Variants in CHIT1 observed in about 807,000 individuals in gnomAD.
CHIT1 encodes the protein chitinase 1, also known as chitotriosidase-1.
In CHIT1, 47 loss-of-function variants were observed where a neutral mutation model predicts 52.0. The ratio of observed to expected loss-of-function variants is 0.90; its 90% CI spans 0.71 to 1.15. The LOEUF (loss-of-function observed/expected upper bound fraction) is 1.15, where lower values mean the gene tolerates loss of function less well. CHIT1 is among the 50% of genes most tolerant of loss of function. The pLI, the probability that CHIT1 is intolerant of heterozygous loss-of-function variation, is 0.00. For missense variants in CHIT1, 569 were observed against 583.0 expected, an observed-to-expected ratio of 0.98 and a Z score of 0.25; for synonymous variants, 242 against 228.2, an observed-to-expected ratio of 1.06 and a Z score of -0.54.
intron 1 of CHIT1, 49 bp downstream of exon 1, chr1:203,229,563 C>T (rs1657056700): frequency 1.2e-6 from 2 of 1,608,770 alleles, no homozygotes; most frequent in Non-Finnish European, 1.7e-6. Context: ...CATCCACATC[C>T]CCACCTCCCC....
chr1:203,218,887 C>T (rs998620639), intron 9 of CHIT1, among the ~76,000 whole-genome samples: 1 of 152,218 alleles, frequency 6.6e-6, no homozygotes, highest in African/African-American at 2.4e-5. Context: ...GTAATTTGGA[C>T]ATGCACCAGA....
At chr1:203,229,818 A>T, upstream of CHIT1, 1 of 709,270 alleles carries the variant, frequency 1.4e-6, no homozygotes, top group Non-Finnish European at 2.6e-6. Context: ...GGCAAACTTG[A>T]CACAATGGCC....
intron 2 of CHIT1, 109 bp downstream of exon 2, chr1:203,228,424 T>C (rs1347497655): frequency 8.5e-7 from 1 of 1,173,566 alleles, no homozygotes; most frequent in African/African-American, 1.5e-5. Context: ...TGGAAGAGAG[T>C]CCCCACTGAA....
Position 203,223,483 on chromosome 1 carries a change from G to A in CHIT1, c.480+12C>T, listed in dbSNP as rs201180236. On this transcript the variant is annotated intron_variant, in intron 5 of 10. Coordinates refer to ENST00000367229, the MANE Select transcript of CHIT1 (RefSeq NM_003465.3). ...TGCACAGACTGGTGATCCCCGCCCCGCCCAGCCATACCTGTACCAGGGTTG... is the reference window on the plus strand; with the variant it reads ...TGCACAGACTGGTGATCCCCGCCCCACCCAGCCATACCTGTACCAGGGTTG... 279 of 1,613,684 alleles carry A rather than the reference G, an allele frequency of 1.7e-4. No individual in the cohort carries two copies. Among genetic ancestry groups the A allele is most frequent in the East Asian group, 2.7e-4 (12 of 44,876 alleles).
chr1:203,225,525 G>T, intron 3 of CHIT1, 144 bp downstream of exon 3: 1 of 810,286 alleles, frequency 1.2e-6, no homozygotes, highest in Non-Finnish European at 2.1e-6. Context: ...GCACAGGAGA[G>T]CCCAGAGAGG....
intron 1 of CHIT1, among the ~76,000 whole-genome samples, chr1:203,228,904 G>A (rs780975441): frequency 6.6e-6 from 1 of 152,170 alleles, no homozygotes; most frequent in Admixed American, 6.5e-5. Context: ...TTTCTCTTTC[G>A]GAACAAGAAA....
At chr1:203,223,095 C>T (rs1656795791) in intron 6 of CHIT1, 40 bp downstream of exon 6, 2 of 1,613,128 alleles carry the variant, frequency 1.2e-6, no homozygotes, top group Non-Finnish European at 1.7e-6. Context: ...CCTCTCTTCC[C>T]TCAGAGAGCA....
At position 203,216,814 on chromosome 1, in the gene CHIT1, G is replaced by A. The variant is rs1420423127; in HGVS notation, c.*75C>T. On this transcript the variant is annotated 3_prime_UTR_variant, in exon 11 of 11. Transcript: ENST00000367229. ...GCAGGAGCCAGATTGCGGCCCCCAG[G>A]GAAAACCCAGGAGGCAGGCTGTAGA... 1 of 1,605,604 alleles carries A rather than the reference G, an allele frequency of 6.2e-7. No individual in the cohort carries two copies. The highest frequency in any genetic ancestry group is 1.1e-5 in the South Asian group (1 of 90,384).
rs1443877093 is a variant in CHIT1, at chr1:203,228,632, G to A, written c.26-70C>T. The A allele has an allele frequency of 1.4e-5, 21 of 1,517,078 alleles. No homozygotes were observed. The East Asian group carries it at 1.7e-4, about 12-fold the overall frequency. The allele number at this position is 1,517,078 out of a possible 1,614,324, so 94.0% of individuals were successfully genotyped here. A position where few individuals can be genotyped will look rare whatever the true frequency, so the allele number is the denominator to read the frequency against. Reference sequence around the variant, plus strand: ...CACCTTCCCAGGCCCCACAGCTTACGGAAGCACAGGAGGTGGTCAGGGAGG... The same window carrying A: ...CACCTTCCCAGGCCCCACAGCTTACAGAAGCACAGGAGGTGGTCAGGGAGG... On this transcript the variant is annotated intron_variant, in intron 1 of 10. Transcript: ENST00000367229.
At chr1:203,217,362 GC>G (rs1236626254) in intron 10 of CHIT1, 1 of 1,508,596 alleles carries the variant, frequency 6.6e-7, no homozygotes, top group African/African-American at 1.4e-5. Flanking sequence ...GGCAGTTAAG[GC>G]TTTACCCATC....
In CHIT1 at chr1:203,223,260, C is replaced by A. The variant is rs776996836; in HGVS notation, c.481-1G>T. 1.9e-6 allele frequency: 3 copies of A among 1,614,162 alleles called. No individual in the cohort carries two copies. Among genetic ancestry groups the A allele is most frequent in the Non-Finnish European group, 2.5e-6 (3 of 1,180,040 alleles). Reference sequence around the variant, plus strand: ...CCTGCTGGAAGGCATTGGCCAAGTCCTGTGGGAGTGGAGCTCAGAGTCAAC... The same window carrying A: ...CCTGCTGGAAGGCATTGGCCAAGTCATGTGGGAGTGGAGCTCAGAGTCAAC... On this transcript the variant is annotated splice_acceptor_variant, in intron 5 of 10. Transcript: ENST00000367229. LOFTEE classifies it high-confidence loss of function.
intron 3 of CHIT1, 50 bp downstream of exon 3, chr1:203,225,619 T>A: frequency 6.3e-7 from 1 of 1,575,844 alleles, no homozygotes; most frequent in Non-Finnish European, 8.7e-7. Context: ...GAGGAGGTTA[T>A]CTGTCACCCC....
intron 3 of CHIT1, 127 bp downstream of exon 3, chr1:203,225,542 A>T (rs1656895274): frequency 1.1e-6 from 1 of 932,502 alleles, no homozygotes; most frequent in African/African-American, 1.6e-5. Flanking sequence ...GAGGTGATAC[A>T]ACTTGCCCAA....
chr1:203,219,826 C>T lies in CHIT1; in HGVS notation c.753G>A (p.Leu251=). The change falls in exon 8 of 11, where the codon CTG becomes CTA. Residue 251 remains leucine (L), a synonymous_variant. Transcript: ENST00000367229. ...LNVDAAVQQW[L]QKGTPASKLI... is the part of the protein sequence containing the mutation. ...GCTTGCTGGCAGGGGTCCCCTTCTG[C>T]AGCCACTGTTGCACAGCAGCATCCT... The T allele has an allele frequency of 1.2e-6, 2 of 1,612,298 alleles. No homozygotes were observed. Among genetic ancestry groups the T allele is most frequent in the East Asian group, 2.2e-5 (1 of 44,882 alleles).
In CHIT1 at chr1:203,219,820, C is replaced by T. The variant is rs138767766; in HGVS notation, c.759G>A (p.Lys253=). The T allele has an allele frequency of 6.6e-4, 1,070 of 1,612,298 alleles. 8 individuals carry two copies. The African/African-American group carries it at 0.013, about 20-fold the overall frequency. The change falls in exon 8 of 11, where the codon AAG becomes AAA. Residue 253 remains lysine, a synonymous_variant. Transcript: ENST00000367229. ...VDAAVQQWLQ[K]GTPASKLILG... ...GGATCAGCTTGCTGGCAGGGGTCCC[C>T]TTCTGCAGCCACTGTTGCACAGCAG...
At chr1:203,217,514 A>G in intron 10 of CHIT1, 1 of 1,111,766 alleles carries the variant, frequency 9.0e-7, no homozygotes, top group Non-Finnish European at 1.3e-6. Flanking sequence ...GGTTACAACA[A>G]CCCTGGGCAG....
At chr1:203,230,005 A>G (rs1326604824), upstream of CHIT1, 2 of 329,054 alleles carry the variant, frequency 6.1e-6, no homozygotes, top group Non-Finnish European at 1.2e-5. Context: ...GAGGAAGAGA[A>G]ATGACTCACG....
At chr1:203,222,958 C>T (rs1182924323) in intron 6 of CHIT1, among the ~76,000 whole-genome samples, 177 bp downstream of exon 6, 1 of 152,144 alleles carries the variant, frequency 6.6e-6, no homozygotes, top group Non-Finnish European at 1.5e-5. Flanking sequence ...CTGGATGTGT[C>T]TTAGTTTTAC....
chr1:203,229,525 T>C, intron 1 of CHIT1, 87 bp downstream of exon 1: 3 of 1,509,800 alleles, frequency 2.0e-6, no homozygotes, highest in Non-Finnish European at 2.7e-6. Context: ...TCCTGCTTCC[T>C]TGCAAATGGT....
Sources: allele counts gnomAD v4.1 joint callset (sites outside exome capture counted in the v4.1 genomes callset), GRCh38; gene constraint gnomAD v4.1.1; transcripts MANE v1.5; gene names NCBI Gene and HGNC (gene_info 2026-07-23, HGNC 2026-07-21).